The following CPA6 variants were observed in gnomAD, a reference collection of about 807,000 sequenced individuals.
CPA6 encodes the protein carboxypeptidase A6, also known as carboxypeptidase B.
In CPA6, 58 loss-of-function variants were observed where a neutral mutation model predicts 63.3. That is an observed-to-expected ratio of 0.92 (90% CI 0.74 to 1.14). The LOEUF (loss-of-function observed/expected upper bound fraction) is 1.14, where lower values mean the gene tolerates loss of function less well. Among genes scored for constraint, CPA6 ranks in the 50% most tolerant of loss-of-function variants. CPA6 has a pLI of 0.00. For synonymous variants in CPA6, 185 were observed against 179.0 expected, an observed-to-expected ratio of 1.03 and a Z score of -0.27; for missense variants, 565 against 526.6, an observed-to-expected ratio of 1.07 and a Z score of -0.71.
At chr8:67,461,698 C>G (rs1810812914) in intron 8 of CPA6, among the ~76,000 whole-genome samples, 1 of 151,926 alleles carries the variant, frequency 6.6e-6, no homozygotes, top group Non-Finnish European at 1.5e-5. Context: ...GGGCTGACCC[C>G]CCCACTTCCC....
intron 2 of CPA6, among the ~76,000 whole-genome samples, chr8:67,552,797 AAAAAG>A (rs1563997430): frequency 5.7e-4 from 86 of 149,858 alleles, no homozygotes; most frequent in African/African-American, 1.6e-3. Flanking sequence ...AAAAAAAAAA[AAAAAG>A]AAAAGAAAAG....
intron 2 of CPA6, among the ~76,000 whole-genome samples, chr8:67,584,096 T>C (rs1258769369): frequency 6.6e-6 from 1 of 152,142 alleles, no homozygotes; most frequent in Admixed American, 6.5e-5. Flanking sequence ...AATCAGACGT[T>C]GTAGTGAGCT....
intron 2 of CPA6, among the ~76,000 whole-genome samples, chr8:67,592,335 G>A (rs1315540142): frequency 4.6e-5 from 7 of 152,172 alleles, no homozygotes; most frequent in East Asian, 1.9e-4. Context: ...CAAGGATATT[G>A]GTCTAAAATT....
chr8:67,640,067 G>A (rs1196876550), intron 1 of CPA6, among the ~76,000 whole-genome samples: 4 of 151,286 alleles, frequency 2.6e-5, no homozygotes, highest in Admixed American at 2.6e-4. Context: ...AATTTCATGG[G>A]CCTCAGAGGG....
intron 6 of CPA6, among the ~76,000 whole-genome samples, chr8:67,504,729 T>C (rs1050216569): frequency 6.6e-6 from 1 of 152,106 alleles, no homozygotes; most frequent in Non-Finnish European, 1.5e-5. Context: ...CTAGGCCTCC[T>C]TTGTTCCATT....
intron 2 of CPA6, among the ~76,000 whole-genome samples, chr8:67,570,253 C>CT (rs1813453938): frequency 1.3e-5 from 2 of 152,064 alleles, no homozygotes. Flanking sequence ...ATAAAACTTC[C>CT]CCAGACAAAT....
At chr8:67,639,135 A>G (rs1214991654) in intron 1 of CPA6, among the ~76,000 whole-genome samples, 1 of 151,636 alleles carries the variant, frequency 6.6e-6, no homozygotes, top group Non-Finnish European at 1.5e-5. Context: ...CAGATAGTGC[A>G]GGGGTTGGAA....
chr8:67,634,902 T>C (rs1431059386), intron 1 of CPA6, among the ~76,000 whole-genome samples: 9 of 151,432 alleles, frequency 5.9e-5, no homozygotes, highest in Non-Finnish European at 1.2e-4. Context: ...TCTAGTTCTT[T>C]TTTTAGAAAT....
intron 2 of CPA6, among the ~76,000 whole-genome samples, chr8:67,552,420 A>G (rs879539268): frequency 2.6e-5 from 4 of 152,170 alleles, no homozygotes; most frequent in Non-Finnish European, 5.9e-5. Flanking sequence ...ATATATATCA[A>G]TGGGGTTAAT....
chr8:67,691,267 C>T (rs565982614), intron 1 of CPA6, among the ~76,000 whole-genome samples: 4 of 152,292 alleles, frequency 2.6e-5, no homozygotes, highest in South Asian at 2.1e-4. Context: ...CACCTGTGAT[C>T]GAGGTTGGTG....
intron 2 of CPA6, among the ~76,000 whole-genome samples, chr8:67,541,211 A>G (rs1335733679): frequency 6.6e-6 from 1 of 152,146 alleles, no homozygotes; most frequent in Non-Finnish European, 1.5e-5. Flanking sequence ...TGGGTTGCGA[A>G]GACCATGGGG....
intron 2 of CPA6, among the ~76,000 whole-genome samples, chr8:67,583,703 C>T (rs1443538339): frequency 2.6e-5 from 4 of 152,012 alleles, no homozygotes; most frequent in Non-Finnish European, 5.9e-5. Flanking sequence ...ATGAGGAATC[C>T]GGCGAAGATG....
intron 8 of CPA6, among the ~76,000 whole-genome samples, chr8:67,436,021 C>A (rs755662488): frequency 4.0e-5 from 6 of 151,102 alleles, no homozygotes; most frequent in Non-Finnish European, 8.8e-5. Flanking sequence ...GGAAATGCCA[C>A]AGCTTTTAGC....
intron 1 of CPA6, among the ~76,000 whole-genome samples, chr8:67,633,908 C>CT (rs34407982): frequency 0.64 from 97,539 of 151,748 alleles, 32,426 homozygotes; most frequent in African/African-American, 0.82. Flanking sequence ...TTTCCTCCTT[C>CT]TTTCTCCATG....
chr8:67,509,044 C>T (rs574363205), intron 5 of CPA6, among the ~76,000 whole-genome samples: 1 of 151,956 alleles, frequency 6.6e-6, no homozygotes, highest in Non-Finnish European at 1.5e-5. Context: ...AGGAAGAGAG[C>T]GAAGGGGGAA....
intron 9 of CPA6, among the ~76,000 whole-genome samples, chr8:67,433,120 T>A (rs1810064960): frequency 6.6e-6 from 1 of 152,232 alleles, no homozygotes; most frequent in Non-Finnish European, 1.5e-5. Flanking sequence ...AATATACACG[T>A]AGAAGAGTAC....
intron 1 of CPA6, among the ~76,000 whole-genome samples, chr8:67,736,493 G>A (rs896359972): frequency 1.3e-5 from 2 of 152,126 alleles, no homozygotes; most frequent in Admixed American, 6.5e-5. Flanking sequence ...CGACTTTGCA[G>A]CACTTGATAT....
intron 1 of CPA6, among the ~76,000 whole-genome samples, chr8:67,693,496 C>T (rs1816853483): frequency 1.3e-5 from 2 of 152,112 alleles, no homozygotes; most frequent in Non-Finnish European, 2.9e-5. Context: ...TGTTTTTGTC[C>T]CTGTAAATTT....
chr8:67,718,195 T>C (rs968223786), intron 1 of CPA6, among the ~76,000 whole-genome samples: 12 of 152,116 alleles, frequency 7.9e-5, no homozygotes, highest in African/African-American at 2.7e-4. Context: ...CAACAAAATA[T>C]TTTAAGTCCT....
Sources: allele counts gnomAD v4.1 joint callset (sites outside exome capture counted in the v4.1 genomes callset), GRCh38; gene constraint gnomAD v4.1.1; transcripts MANE v1.5; gene names NCBI Gene and HGNC (gene_info 2026-07-23, HGNC 2026-07-21).